The following RTN4IP1 variants were observed in gnomAD, a reference collection of about 807,000 sequenced individuals.
The protein encoded by RTN4IP1 is reticulon 4 interacting protein 1.
In RTN4IP1, 32 loss-of-function variants were observed where a neutral mutation model predicts 46.6. The observed-to-expected ratio is 0.69, with a 90% CI of 0.52 to 0.92. RTN4IP1 has a LOEUF of 0.92. Among genes scored for constraint, RTN4IP1 ranks in the 40% least tolerant of loss-of-function variants. RTN4IP1 has a pLI of 0.00. For missense variants in RTN4IP1, 424 were observed against 485.8 expected, an observed-to-expected ratio of 0.87 and a Z score of 1.20; for synonymous variants, 167 against 161.8, an observed-to-expected ratio of 1.03 and a Z score of -0.24.
Position 106,570,794 on chromosome 6 carries a change from G to A in RTN4IP1, c.*1202C>T, listed in dbSNP as rs1229521663. On this transcript the variant is annotated 3_prime_UTR_variant, in exon 9 of 9. Coordinates refer to ENST00000369063, the MANE Select transcript of RTN4IP1 (RefSeq NM_032730.5). ...TTGCAATAACTCGGTAGTAAGACCA[G>A]ACCAACAATTTTAGAGAAAAGCCTA... 1 of 152,036 alleles carries A rather than the reference G, an allele frequency of 6.6e-6. No individual in the cohort carries two copies. The highest frequency in any genetic ancestry group is 1.5e-5 in the Non-Finnish European group (1 of 68,020). 9.4% of individuals were successfully genotyped at this position (152,036 alleles called of 1,614,324 possible).
intron 4 of RTN4IP1, among the ~76,000 whole-genome samples, chr6:106,609,225 G>A (rs1462388141): frequency 6.6e-6 from 1 of 152,170 alleles, no homozygotes; most frequent in Admixed American, 6.5e-5. Context: ...CAGTGCCCTG[G>A]ATGTAGCAGA....
chr6:106,625,359 G>A (rs1161250118), intron 1 of RTN4IP1, among the ~76,000 whole-genome samples: 2 of 152,026 alleles, frequency 1.3e-5, no homozygotes, highest in East Asian at 1.9e-4. Context: ...AGACTAAGGC[G>A]GCAGTTTAAA....
chr6:106,621,606 C>A, intron 2 of RTN4IP1, 113 bp from the exon 3 acceptor site: 3 of 746,204 alleles, frequency 4.0e-6, no homozygotes, highest in South Asian at 3.1e-5. Flanking sequence ...ACACAGAAGT[C>A]AGCACTACAC....
At chr6:106,614,362 G>GGTAGT (rs1776298131) in intron 4 of RTN4IP1, among the ~76,000 whole-genome samples, 1 of 152,190 alleles carries the variant, frequency 6.6e-6, no homozygotes, top group Non-Finnish European at 1.5e-5. Context: ...AAGAGTTGGG[G>GGTAGT]TGGTAGTTGG....
At chr6:106,624,964 G>C (rs1188643065) in intron 1 of RTN4IP1, among the ~76,000 whole-genome samples, 3 of 146,312 alleles carry the variant, frequency 2.1e-5, no homozygotes, top group African/African-American at 7.6e-5. Context: ...AAAAGAAAAA[G>C]AAAAAGAAAA....
At chr6:106,592,929 CAAAA>C (rs35497573) in intron 5 of RTN4IP1, among the ~76,000 whole-genome samples, 1 of 114,218 alleles carries the variant, frequency 8.8e-6, no homozygotes, top group Non-Finnish European at 1.9e-5. Context: ...GACTTCATCT[CAAAA>C]AAAAAAAAGC....
rs1775977615 is a variant in RTN4IP1, at chr6:106,602,803, AT to A, written c.669+70del. 3 of 1,065,490 alleles carry A rather than the reference AT, an allele frequency of 2.8e-6. No individual in the cohort carries two copies. In the South Asian group the frequency reaches 4.7e-5, roughly 17 times the overall value. 66.0% of individuals were successfully genotyped at this position (1,065,490 alleles called of 1,614,324 possible). On this transcript the variant is annotated intron_variant, in intron 5 of 8. Transcript: ENST00000369063. ...CCTTTCTCTCAGCTTTTAAGGAGAA[AT>A]AATGTATCTTAATTTATAAATTCAT...
chr6:106,606,386 C>T (rs531301828), intron 4 of RTN4IP1, among the ~76,000 whole-genome samples: 1 of 152,156 alleles, frequency 6.6e-6, no homozygotes, highest in Admixed American at 6.5e-5. Flanking sequence ...TGCCACTGCC[C>T]TCCAGCCTGG....
intron 5 of RTN4IP1, among the ~76,000 whole-genome samples, chr6:106,594,974 G>C (rs1449981036): frequency 6.6e-6 from 1 of 151,984 alleles, no homozygotes; most frequent in African/African-American, 2.4e-5. Context: ...GCTAATTTTT[G>C]TATTTTTAGT....
intron 4 of RTN4IP1, among the ~76,000 whole-genome samples, chr6:106,617,974 G>A (rs1227934575): frequency 1.3e-5 from 2 of 152,082 alleles, no homozygotes; most frequent in Admixed American, 6.5e-5. Context: ...AATCTATGTG[G>A]TCAAAACTAA....
chr6:106,577,626 A>G (rs769120546), intron 8 of RTN4IP1, among the ~76,000 whole-genome samples: 22 of 152,164 alleles, frequency 1.4e-4, no homozygotes, highest in East Asian at 1.9e-4. Flanking sequence ...TGATTCCCAA[A>G]ATGTGTGAAT....
chr6:106,596,342 G>A (rs1264935958), intron 5 of RTN4IP1, among the ~76,000 whole-genome samples: 2 of 152,110 alleles, frequency 1.3e-5, no homozygotes, highest in Admixed American at 6.6e-5. Flanking sequence ...CAGCACTTTG[G>A]GAGGCTGAGG....
chr6:106,612,046 A>C (rs369267283), intron 4 of RTN4IP1, among the ~76,000 whole-genome samples: 3 of 152,320 alleles, frequency 2.0e-5, no homozygotes, highest in African/African-American at 7.2e-5. Flanking sequence ...GAACCATCCC[A>C]AATCACTGGT....
At chr6:106,591,321 T>C (rs1220244035) in intron 6 of RTN4IP1, among the ~76,000 whole-genome samples, 2 of 152,170 alleles carry the variant, frequency 1.3e-5, no homozygotes, top group African/African-American at 2.4e-5. Context: ...GTTGAAGGAA[T>C]GATGAGTTGG....
chr6:106,600,299 C>T (rs751661842), intron 5 of RTN4IP1, among the ~76,000 whole-genome samples: 28 of 152,110 alleles, frequency 1.8e-4, no homozygotes, highest in Admixed American at 1.1e-3. Flanking sequence ...TAATCAAGCT[C>T]CCTCTTCTAG....
At chr6:106,580,158 G>A (rs1455599231) in intron 8 of RTN4IP1, among the ~76,000 whole-genome samples, 8 of 148,746 alleles carry the variant, frequency 5.4e-5, no homozygotes, top group East Asian at 2.0e-4. Context: ...AGCTTGCAGT[G>A]AGCTGAGATC....
chr6:106,620,716 A>G (rs189214891), intron 3 of RTN4IP1, among the ~76,000 whole-genome samples: 127 of 152,282 alleles, frequency 8.3e-4, no homozygotes, highest in Middle Eastern at 3.4e-3. Context: ...AATATTGTAT[A>G]GAATAGCTCT....
Position 106,571,910 on chromosome 6 carries a change from GTTTGAAAGGGATGGCTAGAAAAAAA to G in RTN4IP1, c.*61_*85del. On this transcript the variant is annotated 3_prime_UTR_variant, in exon 9 of 9. Coordinates refer to ENST00000369063, the MANE Select transcript of RTN4IP1 (RefSeq NM_032730.5). ...AATGTATAATCTAATCTGGAAAAAT[GTTTGAAAGGGATGGCTAGAAAAAAA>G]TTTGGGCTCACAGGCACTCACCAAA... 1.2e-6 allele frequency: 1 copy of G among 811,848 alleles called. No homozygotes were observed. Among genetic ancestry groups the G allele is most frequent in the South Asian group, 1.5e-5 (1 of 67,118 alleles). The allele number at this position is 811,848 out of a possible 1,614,324, so 50.3% of individuals were successfully genotyped here.
intron 2 of RTN4IP1, 64 bp downstream of exon 2, chr6:106,622,754 T>A (rs1582392175): frequency 6.6e-7 from 1 of 1,520,974 alleles, no homozygotes. Context: ...GCGTCTCTCA[T>A]CCGTCGCTGG....
Sources: allele counts gnomAD v4.1 joint callset (sites outside exome capture counted in the v4.1 genomes callset), GRCh38; gene constraint gnomAD v4.1.1; transcripts MANE v1.5; gene names NCBI Gene and HGNC (gene_info 2026-07-23, HGNC 2026-07-21).